Variants in NBEA observed in about 807,000 individuals in gnomAD.
NBEA encodes neurobeachin, also known as lysosomal-trafficking regulator 2.
A neutral mutation model predicts 343.4 loss-of-function variants in NBEA; 44 were observed. That is an observed-to-expected ratio of 0.13 (90% CI 0.10 to 0.16). The LOEUF (loss-of-function observed/expected upper bound fraction) is 0.16. Ranked by LOEUF, NBEA falls within the 10% of genes least tolerant of loss-of-function variation. The pLI, the probability that NBEA is intolerant of heterozygous loss-of-function variation, is 1.00. For missense variants in NBEA, 2,555 were observed against 3,631.3 expected, an observed-to-expected ratio of 0.70 and a Z score of 7.62; for synonymous variants, 1,175 against 1,238.7, an observed-to-expected ratio of 0.95 and a Z score of 1.08.
chr13:35,463,052 A>G (rs995268981), intron 40 of NBEA, among the ~76,000 whole-genome samples: 1 of 152,202 alleles, frequency 6.6e-6, no homozygotes, highest in Non-Finnish European at 1.5e-5. Context: ...GAGATCACCT[A>G]AGGAAAGTAA....
At chr13:35,580,542 A>T (rs1030009583) in intron 45 of NBEA, among the ~76,000 whole-genome samples, 1 of 152,212 alleles carries the variant, frequency 6.6e-6, no homozygotes, top group Non-Finnish European at 1.5e-5. Context: ...ATTGATTGAT[A>T]GATGGATAAA....
intron 18 of NBEA, among the ~76,000 whole-genome samples, chr13:35,155,432 T>G (rs945672098): frequency 5.9e-5 from 9 of 152,124 alleles, no homozygotes; most frequent in African/African-American, 1.4e-4. Flanking sequence ...GAGACCAGCC[T>G]GATCAATATG....
At chr13:35,569,579 C>A (rs2080297983) in intron 45 of NBEA, among the ~76,000 whole-genome samples, 2 of 152,166 alleles carry the variant, frequency 1.3e-5, no homozygotes, top group Admixed American at 1.3e-4. Flanking sequence ...GTTGTTCAGT[C>A]AACAAATATT....
chr13:35,108,145 T>C (rs569994326), intron 11 of NBEA, among the ~76,000 whole-genome samples: 1 of 152,160 alleles, frequency 6.6e-6, no homozygotes, highest in Non-Finnish European at 1.5e-5. Flanking sequence ...AAACTGATAT[T>C]CAGACTTCAG....
intron 41 of NBEA, among the ~76,000 whole-genome samples, chr13:35,495,909 G>T (rs1401662903): frequency 6.6e-6 from 1 of 152,030 alleles, no homozygotes; most frequent in Non-Finnish European, 1.5e-5. Flanking sequence ...CATGCCATGT[G>T]ACTTGAAAGA....
rs969141162 is a variant in NBEA, at chr13:35,128,214, A to G, written c.2336+4640A>G. 3.6e-4 allele frequency among the ~76,000 whole-genome samples: 55 copies of G among 151,828 alleles called. 2 individuals are homozygous for G. Among genetic ancestry groups the G allele is most frequent in the African/African-American group, 9.7e-5 (4 of 41,350 alleles). Reference sequence around the variant, plus strand: ...ACTAACCTGCACATTGTGCACATGTACCCTAAAACTTAAAGTATAATAATA... The same window carrying G: ...ACTAACCTGCACATTGTGCACATGTGCCCTAAAACTTAAAGTATAATAATA... On this transcript the variant is annotated intron_variant, in intron 17 of 58. Transcript: ENST00000379939.
At chr13:35,635,536 AC>A (rs2083656742) in intron 49 of NBEA, among the ~76,000 whole-genome samples, 1 of 152,226 alleles carries the variant, frequency 6.6e-6, no homozygotes, top group African/African-American at 2.4e-5. Flanking sequence ...GAAAACCCCT[AC>A]ATTTTAATTA....
chr13:35,163,345 AT>A (rs1367308319), intron 23 of NBEA, among the ~76,000 whole-genome samples: 14 of 151,926 alleles, frequency 9.2e-5, no homozygotes, highest in African/African-American at 3.4e-4. Context: ...TTTTAATCTT[AT>A]TTTTTTCCCA....
intron 17 of NBEA, among the ~76,000 whole-genome samples, chr13:35,131,961 C>G (rs984786171): frequency 1.3e-5 from 2 of 152,138 alleles, no homozygotes; most frequent in African/African-American, 4.8e-5. Context: ...TTAGTTAGAA[C>G]TGAACGAAAA....
At chr13:35,659,207 T>A (rs1461904177) in intron 55 of NBEA, among the ~76,000 whole-genome samples, 1 of 152,200 alleles carries the variant, frequency 6.6e-6, no homozygotes, top group Non-Finnish European at 1.5e-5. Context: ...AGTCCTGGCA[T>A]GTAACATAAT....
At chr13:35,259,409 T>A (rs1320845171) in intron 34 of NBEA, among the ~76,000 whole-genome samples, 1 of 152,150 alleles carries the variant, frequency 6.6e-6, no homozygotes, top group Non-Finnish European at 1.5e-5. Flanking sequence ...TAACTAGCAG[T>A]GAGCAGCTGT....
chr13:35,181,926 A>G (rs147029141), intron 28 of NBEA, among the ~76,000 whole-genome samples: 2 of 151,670 alleles, frequency 1.3e-5, no homozygotes, highest in African/African-American at 4.8e-5. Context: ...CAGTTACACT[A>G]GGATTTTATA....
At chr13:35,447,196 G>A (rs1023460681) in intron 39 of NBEA, among the ~76,000 whole-genome samples, 14 of 151,994 alleles carry the variant, frequency 9.2e-5, no homozygotes, top group African/African-American at 3.1e-4. Context: ...ATTCTTTGAT[G>A]TCGTTAGGAG....
At chr13:35,314,647 G>C (rs1028797857) in intron 36 of NBEA, among the ~76,000 whole-genome samples, 1 of 152,056 alleles carries the variant, frequency 6.6e-6, no homozygotes, top group Non-Finnish European at 1.5e-5. Context: ...TTGATAAGCT[G>C]TTAGACAACA....
chr13:35,245,528 T>C (rs1345738177), intron 34 of NBEA, among the ~76,000 whole-genome samples: 2 of 152,204 alleles, frequency 1.3e-5, no homozygotes, highest in East Asian at 3.9e-4. Flanking sequence ...AGAGTGTATC[T>C]TTCATTCATT....
chr13:35,499,683 G>T (rs2076813318), intron 41 of NBEA, among the ~76,000 whole-genome samples: 1 of 151,926 alleles, frequency 6.6e-6, no homozygotes, highest in Non-Finnish European at 1.5e-5. Flanking sequence ...TCATGCACCC[G>T]CTTGTCTCTG....
rs1226545122 is a variant in NBEA, at chr13:35,308,620, GCA to G, written c.5839-895_5839-894del. On this transcript the variant is annotated intron_variant, in intron 35 of 58. Transcript: ENST00000379939. ...TATATGTATATATGTATATATATAT[GCA>G]CACACACACACAGATATATATATGT... 2.9e-3 allele frequency among the ~76,000 whole-genome samples: 201 copies of G among 69,164 alleles called. 1 individual carries two copies. The highest frequency in any genetic ancestry group is 8.2e-3 in the Middle Eastern group (1 of 122). 45.4% of individuals were successfully genotyped at this position (69,164 alleles called of 152,430 possible). A position where few individuals can be genotyped will look rare whatever the true frequency, so the allele number is the denominator to read the frequency against.
intron 1 of NBEA, among the ~76,000 whole-genome samples, chr13:34,946,166 A>C (rs1334616824): frequency 1.3e-5 from 2 of 152,176 alleles, no homozygotes; most frequent in African/African-American, 2.4e-5. Context: ...AGGATTTTGC[A>C]TTGTAGCTCT....
intron 1 of NBEA, among the ~76,000 whole-genome samples, chr13:35,020,685 T>C (rs2152540971): frequency 6.6e-6 from 1 of 152,196 alleles, no homozygotes; most frequent in South Asian, 2.1e-4. Context: ...ACCCAGCTAA[T>C]TTTCTTGTAT....
Sources: gnomAD v4.1 joint callset for allele counts (sites outside exome capture counted in the v4.1 genomes callset) on GRCh38, gnomAD v4.1.1 for gene constraint, MANE v1.5 for transcripts, NCBI Gene and HGNC (gene_info 2026-07-23, HGNC 2026-07-21) for gene names.